CSMD1: variants seen among roughly 807,000 people sequenced by gnomAD.
CSMD1 encodes the protein CUB and Sushi multiple domains 1, also known as CUB and sushi domain-containing protein 1.
Under a neutral mutation model 417.5 loss-of-function variants are expected in CSMD1, and 213 were observed. The ratio of observed to expected loss-of-function variants is 0.51; its 90% CI spans 0.46 to 0.57. The LOEUF (loss-of-function observed/expected upper bound fraction) is 0.57, where lower values mean the gene tolerates loss of function less well. Ranked by LOEUF, CSMD1 falls within the 20% of genes least tolerant of loss-of-function variation. The pLI, the probability that CSMD1 is intolerant of heterozygous loss-of-function variation, is 0.00. For missense variants in CSMD1, 6,923 were observed against 4,529.7 expected (o/e 1.53, Z -15.17); for synonymous variants, 2,862 against 1,736.8 (o/e 1.65, Z -16.11).
intron 5 of CSMD1, among the ~76,000 whole-genome samples, chr8:3,882,755 G>C (rs575274147): frequency 3.3e-5 from 5 of 152,184 alleles, no homozygotes; most frequent in Non-Finnish European, 7.3e-5. Context: ...ACATAACTTT[G>C]TGTGAAAGAA....
At chr8:4,483,631 C>G (rs777347805) in intron 2 of CSMD1, among the ~76,000 whole-genome samples, 1 of 152,132 alleles carries the variant, frequency 6.6e-6, no homozygotes, top group Non-Finnish European at 1.5e-5. Flanking sequence ...TAATTTAAAA[C>G]AGCAAAATGT....
At chr8:4,239,678 G>T (rs1192043878) in intron 3 of CSMD1, among the ~76,000 whole-genome samples, 2 of 152,192 alleles carry the variant, frequency 1.3e-5, no homozygotes, top group Non-Finnish European at 2.9e-5. Context: ...ATTATGTTGG[G>T]TGGCAGAACA....
intron 10 of CSMD1, among the ~76,000 whole-genome samples, chr8:3,509,802 G>C (rs1415010378): frequency 6.6e-6 from 1 of 152,132 alleles, no homozygotes; most frequent in Non-Finnish European, 1.5e-5. Flanking sequence ...GCACACGTCT[G>C]TCAGCCCACC....
At chr8:4,426,644 G>T (rs1216212788) in intron 2 of CSMD1, among the ~76,000 whole-genome samples, 2 of 142,778 alleles carry the variant, frequency 1.4e-5, no homozygotes, top group East Asian at 2.0e-4. Flanking sequence ...GTAATATTTT[G>T]TTATTCATAT....
At chr8:4,341,332 T>A (rs755447729) in intron 3 of CSMD1, among the ~76,000 whole-genome samples, 1 of 152,206 alleles carries the variant, frequency 6.6e-6, no homozygotes, top group South Asian at 2.1e-4. Context: ...TAGGTAAAAG[T>A]TTTTCACATT....
chr8:3,994,945 C>G (rs936285639), intron 5 of CSMD1, among the ~76,000 whole-genome samples: 1 of 152,172 alleles, frequency 6.6e-6, no homozygotes, highest in Non-Finnish European at 1.5e-5. Flanking sequence ...CCTCACTCCA[C>G]TCACAGTCAC....
chr8:4,871,521 A>C (rs1802739576), intron 1 of CSMD1, among the ~76,000 whole-genome samples: 1 of 152,120 alleles, frequency 6.6e-6, no homozygotes, highest in African/African-American at 2.4e-5. Flanking sequence ...GAATGGTCTC[A>C]CCAAGCACCC....
Position 4,607,441 on chromosome 8 carries a change from G to A in CSMD1, c.302+29901C>T, listed in dbSNP as rs529138826. On this transcript the variant is annotated intron_variant, in intron 2 of 69. Coordinates refer to ENST00000635120, the MANE Select transcript of CSMD1 (RefSeq NM_033225.6). ...TCACGTGACTAAGCAAAAGGAAACT[G>A]TTGAAACAGTTGTGAAGCTAGGGCC... is the stretch of plus-strand genomic sequence containing the variant. 8.3e-4 allele frequency among the ~76,000 whole-genome samples: 127 copies of A among 152,274 alleles called. 1 individual carries two copies. The highest frequency in any genetic ancestry group is 2.9e-3 in the African/African-American group (121 of 41,570).
intron 3 of CSMD1, among the ~76,000 whole-genome samples, chr8:4,227,248 G>T (rs369519799): frequency 6.6e-6 from 1 of 152,126 alleles, no homozygotes; most frequent in Non-Finnish European, 1.5e-5. Context: ...AACCTCATTA[G>T]CAACATGGAC....
At chr8:4,359,662 T>G (rs1344639654) in intron 3 of CSMD1, among the ~76,000 whole-genome samples, 2 of 152,206 alleles carry the variant, frequency 1.3e-5, no homozygotes, top group Non-Finnish European at 1.5e-5. Context: ...TGTGTGTGGT[T>G]GATTCTGGGT....
intron 1 of CSMD1, among the ~76,000 whole-genome samples, chr8:4,842,919 T>C (rs1163304789): frequency 6.6e-6 from 1 of 152,236 alleles, no homozygotes; most frequent in Non-Finnish European, 1.5e-5. Context: ...TTAAAGGTTA[T>C]ATAATCCTGG....
At chr8:4,471,425 G>A (rs1800525564) in intron 2 of CSMD1, among the ~76,000 whole-genome samples, 1 of 152,028 alleles carries the variant, frequency 6.6e-6, no homozygotes, top group Admixed American at 6.6e-5. Flanking sequence ...TTACCCAAGT[G>A]CAGCACGTAG....
intron 2 of CSMD1, among the ~76,000 whole-genome samples, chr8:4,484,625 G>C (rs2130154997): frequency 6.6e-6 from 1 of 152,162 alleles, no homozygotes; most frequent in African/African-American, 2.4e-5. Context: ...CTCTATGAGA[G>C]GGAAAGTGAG....
intron 3 of CSMD1, among the ~76,000 whole-genome samples, chr8:4,142,772 C>A (rs1803868861): frequency 6.6e-6 from 1 of 150,916 alleles, no homozygotes; most frequent in Non-Finnish European, 1.5e-5. Context: ...TTCATTAGTG[C>A]AAAACAGGCT....
chr8:3,313,887 T>C (rs527749027), intron 23 of CSMD1, among the ~76,000 whole-genome samples: 44 of 152,288 alleles, frequency 2.9e-4, no homozygotes, highest in African/African-American at 9.9e-4. Context: ...CCAACAATGA[T>C]AGACTGGATT....
chr8:4,175,737 A>T (rs1447205355), intron 3 of CSMD1, among the ~76,000 whole-genome samples: 2 of 152,208 alleles, frequency 1.3e-5, no homozygotes, highest in African/African-American at 4.8e-5. Context: ...TTGCCTAGAA[A>T]AATAATGGTG....
chr8:3,795,136 T>TCATGTAC, intron 5 of CSMD1, among the ~76,000 whole-genome samples: 1 of 102,868 alleles, frequency 9.7e-6, no homozygotes, highest in African/African-American at 3.7e-5. Flanking sequence ...TGTACAGCTA[T>TCATGTAC]AGATATCTAT....
intron 3 of CSMD1, among the ~76,000 whole-genome samples, chr8:4,201,013 GA>G (rs1238683076): frequency 1.3e-5 from 2 of 152,104 alleles, no homozygotes; most frequent in Non-Finnish European, 2.9e-5. Context: ...TATCAGTGTG[GA>G]AGGCATCATG....
chr8:4,231,805 C>T (rs963132656), intron 3 of CSMD1, among the ~76,000 whole-genome samples: 1 of 152,172 alleles, frequency 6.6e-6, no homozygotes, highest in East Asian at 1.9e-4. Flanking sequence ...TTCTACCTAA[C>T]AAAACTGCCA....
Sources: gnomAD v4.1 joint callset for allele counts (sites outside exome capture counted in the v4.1 genomes callset) on GRCh38, gnomAD v4.1.1 for gene constraint, MANE v1.5 for transcripts, NCBI Gene and HGNC (gene_info 2026-07-23, HGNC 2026-07-21) for gene names.